Variants in CNTNAP5 observed in about 807,000 individuals in gnomAD.
CNTNAP5 encodes contactin associated protein family member 5, also known as contactin-associated protein-like 5.
A neutral mutation model predicts 150.2 loss-of-function variants in CNTNAP5; 72 were observed. That is an observed-to-expected ratio of 0.48 (90% CI 0.40 to 0.58). The LOEUF (loss-of-function observed/expected upper bound fraction) is 0.58. Ranked by LOEUF, CNTNAP5 falls within the 20% of genes least tolerant of loss-of-function variation. The pLI is 0.00. For missense variants in CNTNAP5, 1,636 were observed against 1,626.2 expected (o/e 1.01, Z -0.10); for synonymous variants, 672 against 619.8 (o/e 1.08, Z -1.25).
intron 21 of CNTNAP5, among the ~76,000 whole-genome samples, chr2:124,901,881 C>T (rs2602649): frequency 0.54 from 81,273 of 151,908 alleles, 23,024 homozygotes; most frequent in African/African-American, 0.71. Context: ...CCTTATCATA[C>T]CTCTTAATGT....
chr2:124,136,743 A>C (rs1031993498), intron 1 of CNTNAP5, among the ~76,000 whole-genome samples: 8 of 152,204 alleles, frequency 5.3e-5, no homozygotes, highest in African/African-American at 1.2e-4. Flanking sequence ...ACGTGTAAGC[A>C]AAATCAAGTT....
intron 3 of CNTNAP5, among the ~76,000 whole-genome samples, chr2:124,359,056 T>C (rs1690113650): frequency 6.6e-6 from 1 of 151,568 alleles, no homozygotes; most frequent in African/African-American, 2.4e-5. Flanking sequence ...TCCAGGAATT[T>C]ATCCATTTCT....
intron 3 of CNTNAP5, among the ~76,000 whole-genome samples, chr2:124,378,500 T>G (rs1021697363): frequency 2.0e-5 from 3 of 152,150 alleles, no homozygotes; most frequent in African/African-American, 7.2e-5. Context: ...TTTTAAAACT[T>G]TCCTATTATC....
Position 124,865,345 on chromosome 2 carries a change from C to G in CNTNAP5, c.3257C>G (p.Thr1086Ser). 1 of 1,564,620 alleles carries G rather than the reference C, an allele frequency of 6.4e-7. No homozygotes were observed. Residue 1086 changes from threonine (T) to serine (S), a missense_variant, in exon 20 of 24, where the codon ACC becomes AGC. Transcript: ENST00000682447. ...QVRYHLNKEE[T>S]HVFTIDADNF... ...CGCTATCACCTAAACAAGGAAGAAA[C>G]CCATGTATTCACCATTGATGCAGAT... is the stretch of plus-strand genomic sequence containing the variant.
At chr2:124,645,465 G>T (rs576866792) in intron 12 of CNTNAP5, among the ~76,000 whole-genome samples, 1 of 152,144 alleles carries the variant, frequency 6.6e-6, no homozygotes, top group Non-Finnish European at 1.5e-5. Context: ...CTACTTGGGA[G>T]TCTGAGGCAG....
intron 1 of CNTNAP5, among the ~76,000 whole-genome samples, chr2:124,199,284 A>G (rs1332409671): frequency 6.6e-6 from 1 of 152,108 alleles, no homozygotes; most frequent in African/African-American, 2.4e-5. Context: ...GGAACATCAC[A>G]ATTGCAAACT....
At chr2:124,480,628 G>A (rs1033916826) in intron 7 of CNTNAP5, among the ~76,000 whole-genome samples, 3 of 152,152 alleles carry the variant, frequency 2.0e-5, no homozygotes, top group South Asian at 2.1e-4. Context: ...GTCTAGTAAA[G>A]CCTATAATCT....
chr2:124,218,261 A>G (rs1430056466), intron 1 of CNTNAP5, among the ~76,000 whole-genome samples: 1 of 152,164 alleles, frequency 6.6e-6, no homozygotes, highest in Non-Finnish European at 1.5e-5. Context: ...TAGCGTTCCA[A>G]TAATGGAACA....
chr2:124,367,102 C>A (rs1375493075), intron 3 of CNTNAP5, among the ~76,000 whole-genome samples: 1 of 152,158 alleles, frequency 6.6e-6, no homozygotes, highest in East Asian at 1.9e-4. Context: ...CAGAGTGACC[C>A]TTAGTCTGCA....
intron 4 of CNTNAP5, among the ~76,000 whole-genome samples, chr2:124,428,919 C>T (rs1355300441): frequency 2.0e-5 from 3 of 152,144 alleles, no homozygotes; most frequent in African/African-American, 7.2e-5. Context: ...CATTTCCCAT[C>T]TGCCATAAAG....
chr2:124,747,695 C>T (rs1256316182), intron 14 of CNTNAP5, among the ~76,000 whole-genome samples: 5 of 137,204 alleles, frequency 3.6e-5, no homozygotes, highest in Non-Finnish European at 7.6e-5. Context: ...TCTTGGCTCA[C>T]TGCAACCTCC....
At chr2:124,719,665 C>A (rs1573571748) in intron 13 of CNTNAP5, among the ~76,000 whole-genome samples, 1 of 152,254 alleles carries the variant, frequency 6.6e-6, no homozygotes. Flanking sequence ...TTTATACTTT[C>A]TCTGTTGAAG....
chr2:124,393,707 G>A (rs987635524), intron 3 of CNTNAP5, among the ~76,000 whole-genome samples: 8 of 152,136 alleles, frequency 5.3e-5, no homozygotes, highest in African/African-American at 1.9e-4. Flanking sequence ...ACTTACTGTA[G>A]GGGGCTAAGT....
intron 1 of CNTNAP5, among the ~76,000 whole-genome samples, chr2:124,194,921 C>T (rs1341649002): frequency 3.3e-5 from 5 of 151,554 alleles, no homozygotes; most frequent in Non-Finnish European, 7.4e-5. Flanking sequence ...TTGCAGTGTC[C>T]CAATTCAGTA....
At chr2:124,209,939 A>G (rs1685965078) in intron 1 of CNTNAP5, among the ~76,000 whole-genome samples, 1 of 152,244 alleles carries the variant, frequency 6.6e-6, no homozygotes, top group Non-Finnish European at 1.5e-5. Flanking sequence ...CATTCAAGAC[A>G]GAGTCAAATA....
At chr2:124,865,806 T>C (rs886674231) in intron 20 of CNTNAP5, among the ~76,000 whole-genome samples, 4 of 151,536 alleles carry the variant, frequency 2.6e-5, no homozygotes, top group African/African-American at 9.7e-5. Flanking sequence ...TAGCCAGGTG[T>C]GGTGGCACAC....
chr2:124,568,420 C>CA (rs1406615325), intron 11 of CNTNAP5, among the ~76,000 whole-genome samples: 3 of 151,890 alleles, frequency 2.0e-5, no homozygotes, highest in Non-Finnish European at 4.4e-5. Context: ...TTGCCTGGCT[C>CA]AAAAAAAGAA....
chr2:124,847,851 A>G (rs1344613582), intron 19 of CNTNAP5, among the ~76,000 whole-genome samples: 1 of 152,146 alleles, frequency 6.6e-6, no homozygotes, highest in African/African-American at 2.4e-5. Flanking sequence ...ATGGAAAATA[A>G]CCTTAATGTT....
chr2:124,072,309 A>G (rs1682326034), intron 1 of CNTNAP5, among the ~76,000 whole-genome samples: 1 of 151,972 alleles, frequency 6.6e-6, no homozygotes, highest in South Asian at 2.1e-4. Context: ...TTCCTCTAAG[A>G]TGTGGGAAAA....
Sources: gnomAD v4.1 joint callset for allele counts (sites outside exome capture counted in the v4.1 genomes callset) on GRCh38, gnomAD v4.1.1 for gene constraint, MANE v1.5 for transcripts, NCBI Gene and HGNC (gene_info 2026-07-23, HGNC 2026-07-21) for gene names.